KCTD8: variants seen among roughly 807,000 people sequenced by gnomAD.
KCTD8 encodes the protein potassium channel tetramerization domain containing 8.
In KCTD8, 27 loss-of-function variants were observed where a neutral mutation model predicts 31.5. The observed-to-expected ratio is 0.86, with a 90% CI of 0.63 to 1.18. The LOEUF is 1.18. KCTD8 is among the 50% of genes most tolerant of loss of function. The pLI is 0.00. For synonymous variants in KCTD8, 290 were observed against 280.0 expected, an observed-to-expected ratio of 1.04 and a Z score of -0.36; for missense variants, 658 against 647.7, an observed-to-expected ratio of 1.02 and a Z score of -0.17.
Position 44,448,426 on chromosome 4 carries a change from G to A in KCTD8, c.98C>T (p.Ala33Val), listed in dbSNP as rs1722014070. ...GGGCGAGGGTGCGCAGGGCCCCGGG[G>A]CGGCGGCGGCCGACGCGCCGGGCGA... ...SSSPGASAAA[A>V]PGPCAPSPFP... The change falls in exon 1 of 2, where the codon GCC (alanine) becomes GTC (valine). Residue 33 changes from alanine (A) to valine (V), a missense_variant. Transcript: ENST00000360029. The surrounding 1 kb of genome is among the most constrained non-coding windows in gnomAD (Gnocchi z 4.1). The A allele has an allele frequency of 1.3e-6, 2 of 1,558,134 alleles. No individual in the cohort carries two copies. Among genetic ancestry groups the A allele is most frequent in the Admixed American group, 2.1e-5 (1 of 47,904 alleles).
chr4:44,348,707 T>C (rs1452102531), intron 1 of KCTD8, among the ~76,000 whole-genome samples: 3 of 152,174 alleles, frequency 2.0e-5, no homozygotes, highest in Non-Finnish European at 4.4e-5. Flanking sequence ...AGTGACCCTT[T>C]TCAGTCCTTG....
intron 1 of KCTD8, among the ~76,000 whole-genome samples, chr4:44,346,370 T>C (rs1375607278): frequency 6.6e-6 from 1 of 152,164 alleles, no homozygotes; most frequent in Non-Finnish European, 1.5e-5. Flanking sequence ...CCTCACATTC[T>C]TATATTCTGG....
At chr4:44,200,735 G>C (rs185304102) in intron 1 of KCTD8, among the ~76,000 whole-genome samples, 30 of 152,134 alleles carry the variant, frequency 2.0e-4, no homozygotes, top group Non-Finnish European at 3.4e-4. Context: ...CATTGCCCTT[G>C]AGACCTAGAA....
intron 1 of KCTD8, among the ~76,000 whole-genome samples, chr4:44,319,898 G>A (rs1020007014): frequency 3.3e-5 from 5 of 152,000 alleles, no homozygotes; most frequent in Non-Finnish European, 4.4e-5. Flanking sequence ...TAGGCCGGGC[G>A]CAGTGGCTCA....
intron 1 of KCTD8, among the ~76,000 whole-genome samples, chr4:44,328,581 G>A (rs1718515598): frequency 6.6e-6 from 1 of 151,890 alleles, no homozygotes. Context: ...AACATAAATA[G>A]TTTTAGATGA....
chr4:44,398,100 G>A (rs1720555569), intron 1 of KCTD8, among the ~76,000 whole-genome samples: 1 of 152,112 alleles, frequency 6.6e-6, no homozygotes, highest in Non-Finnish European at 1.5e-5. Flanking sequence ...AAATCATTTT[G>A]TAAGGAATCA....
At chr4:44,418,422 TC>T (rs1721127703) in intron 1 of KCTD8, among the ~76,000 whole-genome samples, 2 of 152,116 alleles carry the variant, frequency 1.3e-5, no homozygotes, top group African/African-American at 4.8e-5. Flanking sequence ...TATTGTCCAT[TC>T]AAATATCTTT....
intron 1 of KCTD8, among the ~76,000 whole-genome samples, chr4:44,399,388 A>C (rs1720588605): frequency 6.6e-6 from 1 of 152,144 alleles, no homozygotes; most frequent in Non-Finnish European, 1.5e-5. Flanking sequence ...AATTGCTGGG[A>C]TGTGGAAATT....
At chr4:44,231,960 T>C (rs1360024678) in intron 1 of KCTD8, among the ~76,000 whole-genome samples, 2 of 152,160 alleles carry the variant, frequency 1.3e-5, no homozygotes, top group Admixed American at 6.5e-5. Flanking sequence ...TGGATGTTTG[T>C]ATAATGGAGT....
intron 1 of KCTD8, among the ~76,000 whole-genome samples, chr4:44,235,047 A>G (rs1319809119): frequency 2.0e-5 from 3 of 152,156 alleles, no homozygotes; most frequent in Non-Finnish European, 4.4e-5. Context: ...ACAAGACGGT[A>G]AAACCATTAA....
intron 1 of KCTD8, among the ~76,000 whole-genome samples, chr4:44,350,476 T>C (rs1719168353): frequency 2.0e-5 from 3 of 152,164 alleles, no homozygotes; most frequent in African/African-American, 7.2e-5. Context: ...TCAAAGTCAG[T>C]GTATATATTT....
intron 1 of KCTD8, among the ~76,000 whole-genome samples, chr4:44,338,676 T>C (rs1718817851): frequency 6.6e-6 from 1 of 152,160 alleles, no homozygotes; most frequent in African/African-American, 2.4e-5. Flanking sequence ...TTTTACAAAA[T>C]ATTATGGAGA....
Position 44,213,289 on chromosome 4 carries a change from T to A in KCTD8, c.962-38039A>T, listed in dbSNP as rs569978970. On this transcript the variant is annotated intron_variant, in intron 1 of 1. Transcript: ENST00000360029. ...ATTATATTTTATTTTTGTTTCATATTTTTCTTCAACCAATTTAGGATTACA... is the reference window on the plus strand; with the variant it reads ...ATTATATTTTATTTTTGTTTCATATATTTCTTCAACCAATTTAGGATTACA... 3.3e-5 allele frequency among the ~76,000 whole-genome samples: 5 copies of A among 152,302 alleles called. 1 individual carries two copies. The South Asian group carries it at 1.0e-3, about 32-fold the overall frequency.
intron 1 of KCTD8, among the ~76,000 whole-genome samples, chr4:44,354,058 C>T (rs144928469): frequency 1.8e-3 from 274 of 152,208 alleles, no homozygotes; most frequent in Non-Finnish European, 3.5e-3. Context: ...CATAACTCCC[C>T]CTTTCACATT....
intron 1 of KCTD8, among the ~76,000 whole-genome samples, chr4:44,396,729 A>G (rs1417437006): frequency 6.6e-6 from 1 of 152,096 alleles, no homozygotes; most frequent in Non-Finnish European, 1.5e-5. Flanking sequence ...TACCTTCACC[A>G]CTTTACTAAG....
At chr4:44,388,443 T>A (rs1720280683) in intron 1 of KCTD8, among the ~76,000 whole-genome samples, 2 of 151,902 alleles carry the variant, frequency 1.3e-5, no homozygotes, top group South Asian at 4.1e-4. Flanking sequence ...AGCAAAGACA[T>A]GGAATCAACC....
intron 1 of KCTD8, among the ~76,000 whole-genome samples, chr4:44,422,534 T>C (rs1029263719): frequency 6.6e-6 from 1 of 152,120 alleles, no homozygotes; most frequent in Non-Finnish European, 1.5e-5. Flanking sequence ...ATAATTTTAT[T>C]AATATACGCA....
chr4:44,242,610 A>G (rs1715538898), intron 1 of KCTD8, among the ~76,000 whole-genome samples: 1 of 150,936 alleles, frequency 6.6e-6, no homozygotes, highest in Admixed American at 6.6e-5. Context: ...AAACAAAACA[A>G]AAAAAAAACT....
chr4:44,397,542 T>A (rs186766255), intron 1 of KCTD8, among the ~76,000 whole-genome samples: 185 of 152,000 alleles, frequency 1.2e-3, no homozygotes, highest in African/African-American at 4.3e-3. Flanking sequence ...TAAATAGGAG[T>A]TCATACTTAA....
Sources: gnomAD v4.1 joint callset for allele counts (sites outside exome capture counted in the v4.1 genomes callset) on GRCh38, gnomAD v4.1.1 for gene constraint, Gnocchi (gnomAD v3.1) non-coding constraint, MANE v1.5 for transcripts, NCBI Gene and HGNC (gene_info 2026-07-23, HGNC 2026-07-21) for gene names.